The following ZNF333 variants were observed in gnomAD, a reference collection of about 807,000 sequenced individuals.
ZNF333 encodes zinc finger protein 333.
Under a neutral mutation model 76.1 loss-of-function variants are expected in ZNF333, and 61 were observed. The ratio of observed to expected loss-of-function variants is 0.80; its 90% CI spans 0.65 to 0.99. The LOEUF is 0.99. ZNF333 is among the 50% of genes least tolerant of loss of function. ZNF333 has a pLI of 0.00. For synonymous variants in ZNF333, 284 were observed against 305.0 expected (o/e 0.93, Z 0.72); for missense variants, 717 against 822.4 (o/e 0.87, Z 1.57).
At chr19:14,708,020 T>C in intron 7 of ZNF333, 1 of 399,516 alleles carries the variant, frequency 2.5e-6, no homozygotes, top group Middle Eastern at 3.2e-4. Context: ...TTATTTTATT[T>C]TAATTGAGAC....
chr19:14,728,069 C>T (rs535669708), intron 11 of ZNF333, among the ~76,000 whole-genome samples: 13 of 152,214 alleles, frequency 8.5e-5, no homozygotes, highest in African/African-American at 1.4e-4. Context: ...GAAAATTAGC[C>T]GGGTGTGGTG....
intron 5 of ZNF333, 139 bp downstream of exon 5, chr19:14,699,420 G>C: frequency 1.4e-6 from 1 of 713,426 alleles, no homozygotes; most frequent in Middle Eastern, 3.5e-4. Flanking sequence ...TGAGGGGAGT[G>C]CCTGTGACTT....
Position 14,717,711 on chromosome 19 carries a change from T to C in ZNF333, c.878T>C (p.Ile293Thr). ...CCTAGCCAAGATACTTTTACAGAGA[T>C]CCTGTCCATTGATGTGAAAGGGGTA... is the stretch of plus-strand genomic sequence containing the variant. The part of the protein sequence containing the change: ...AIPSQDTFTE[I>T]LSIDVKGEQP... The change falls in exon 11 of 12, where the codon ATC (isoleucine) becomes ACC (threonine). Residue 293 changes from isoleucine (I) to threonine (T), a missense_variant. Transcript: ENST00000292530. 6.2e-7 allele frequency: 1 copy of C among 1,614,116 alleles called. No individual in the cohort carries two copies. The highest frequency in any genetic ancestry group is 8.5e-7 in the Non-Finnish European group (1 of 1,179,986).
rs538475251 is a variant in ZNF333 at position 14,706,895 on chromosome 19, A to G, written c.511+122A>G. ...ACTGCAGGCACTGCCGTGGCACCAT[A>G]GAGAGGATACAGAAGGCCTCTCTCA... On this transcript the variant is annotated intron_variant, in intron 7 of 11. Transcript: ENST00000292530. The G allele has an allele frequency of 1.2e-5, 9 of 764,550 alleles. No individual in the cohort carries two copies. The East Asian group carries it at 2.5e-4, about 21-fold the overall frequency. The allele number at this position is 764,550 out of a possible 1,614,324, so 47.4% of individuals were successfully genotyped here.
intron 1 of ZNF333, among the ~76,000 whole-genome samples, chr19:14,690,818 C>G (rs559076021): frequency 6.6e-6 from 1 of 152,144 alleles, no homozygotes; most frequent in African/African-American, 2.4e-5. Context: ...TTTGGCCAGG[C>G]TTGGTGGCTC....
intron 3 of ZNF333, 73 bp downstream of exon 3, chr19:14,695,206 A>G: frequency 6.4e-7 from 1 of 1,552,428 alleles, no homozygotes; most frequent in Non-Finnish European, 8.7e-7. Context: ...CCATGTGAAG[A>G]AGACAGACGT....
At chr19:14,732,579 T>TCC (rs2042681946) in exon 12 of ZNF333, 1 of 152,124 alleles carries the variant, frequency 6.6e-6, no homozygotes. Context: ...GGGCAGTGAG[T>TCC]CAAATCTGAC....
chr19:14,697,333 T>C (rs1292836739), intron 4 of ZNF333, among the ~76,000 whole-genome samples: 1 of 151,700 alleles, frequency 6.6e-6, no homozygotes, highest in Admixed American at 6.6e-5. Context: ...TGAATGTTTG[T>C]GTACAATATT....
At chr19:14,717,331 A>G (rs922944428) in intron 10 of ZNF333, 1 of 538,824 alleles carries the variant, frequency 1.9e-6, no homozygotes. Flanking sequence ...TTCCATGTGT[A>G]TATTTTATCC....
At chr19:14,706,399 C>T (rs567117194) in intron 6 of ZNF333, 8 of 441,830 alleles carry the variant, frequency 1.8e-5, no homozygotes, top group South Asian at 1.7e-4. Flanking sequence ...GCCATCCACT[C>T]CCCACTTTTT....
intron 4 of ZNF333, among the ~76,000 whole-genome samples, chr19:14,698,905 T>TATAG (rs1555771055): frequency 1.9e-4 from 3 of 15,506 alleles, no homozygotes; most frequent in African/African-American, 3.9e-4. Context: ...TATAGATATA[T>TATAG]ATATATATAT....
At chr19:14,730,672 T>C (rs1275054957) in intron 11 of ZNF333, among the ~76,000 whole-genome samples, 1 of 152,136 alleles carries the variant, frequency 6.6e-6, no homozygotes, top group East Asian at 1.9e-4. Context: ...ATTTCAACTT[T>C]TATTTTTAGA....
intron 11 of ZNF333, among the ~76,000 whole-genome samples, chr19:14,728,200 G>A (rs567990436): frequency 4.3e-4 from 65 of 152,294 alleles, no homozygotes; most frequent in Admixed American, 3.5e-3. Flanking sequence ...GCGACAGAGC[G>A]AGACTCCGTC....
intron 11 of ZNF333, among the ~76,000 whole-genome samples, chr19:14,729,126 G>T (rs1323895281): frequency 6.6e-6 from 1 of 152,124 alleles, no homozygotes; most frequent in Non-Finnish European, 1.5e-5. Flanking sequence ...GCTGTTTATA[G>T]TAACTTGGGG....
rs769507544 is a variant in ZNF333 at position 14,717,025 on chromosome 19, T to G, written c.759T>G (p.Ser253=). 11 of 1,612,422 alleles carry G rather than the reference T, an allele frequency of 6.8e-6. No individual in the cohort carries two copies. The South Asian group carries it at 1.2e-4, about 18-fold the overall frequency. ...ADQLCKPNAL[S]YLEERGEQWT... ...AACTGTGCAAACCCAATGCGTTGTC[T>G]TATTTGGAAGAAAGAGGAGAGCAGT... Residue 253 remains serine, a synonymous_variant, in exon 10 of 12, where the codon TCT becomes TCG. Coordinates refer to ENST00000292530, the MANE Select transcript of ZNF333 (RefSeq NM_032433.4).
In ZNF333 at chr19:14,719,112, C is replaced by T. The variant is rs774431681; in HGVS notation, c.1785C>T (p.Cys595=). ...AGAAGCCCTATGCATGCCAGGAATG[C>T]GGGCGAGCCTTTGGTCAGTCTTCAC... ...SGKKPYACQE[C]GRAFGQSSHL... is the part of the protein sequence containing the mutation. Residue 595 remains cysteine (C), a synonymous_variant, in exon 12 of 12, where the codon TGC becomes TGT. Transcript: ENST00000292530. 57 of 1,613,918 alleles carry T rather than the reference C, an allele frequency of 3.5e-5. 1 individual carries two copies. Among genetic ancestry groups the T allele is most frequent in the Middle Eastern group, 1.6e-4 (1 of 6,062 alleles).
intron 4 of ZNF333, among the ~76,000 whole-genome samples, chr19:14,697,561 A>G (rs1275712543): frequency 2.0e-5 from 3 of 150,978 alleles, no homozygotes; most frequent in South Asian, 2.1e-4. Context: ...CATTCTTCCT[A>G]TGTTGCCCAG....
downstream of ZNF333, among the ~76,000 whole-genome samples, chr19:14,725,733 A>G (rs1035999279): frequency 3.9e-5 from 6 of 152,222 alleles, no homozygotes; most frequent in Non-Finnish European, 7.3e-5. Flanking sequence ...GTCAAGACAC[A>G]CTAGTGCAAG....
intron 11 of ZNF333, among the ~76,000 whole-genome samples, chr19:14,728,803 C>T (rs1433666574): frequency 1.3e-5 from 2 of 152,218 alleles, no homozygotes; most frequent in African/African-American, 4.8e-5. Context: ...TTTACTTCTG[C>T]AGAAGGGTGC....
Sources: gnomAD v4.1 joint callset for allele counts (sites outside exome capture counted in the v4.1 genomes callset) on GRCh38, gnomAD v4.1.1 for gene constraint, MANE v1.5 for transcripts, NCBI Gene and HGNC (gene_info 2026-07-23, HGNC 2026-07-21) for gene names.